CDH4: variants seen among roughly 807,000 people sequenced by gnomAD.
CDH4 encodes cadherin 4.
CDH4 carries 33 observed loss-of-function variants against 86.0 expected under a neutral mutation model. The ratio of observed to expected loss-of-function variants is 0.38; its 90% CI spans 0.29 to 0.51. CDH4 has a LOEUF of 0.51. Ranked by LOEUF, CDH4 falls within the 20% of genes least tolerant of loss-of-function variation. CDH4 has a pLI of 0.86. For synonymous variants in CDH4, 555 were observed against 549.4 expected (o/e 1.01, Z -0.14); for missense variants, 1,114 against 1,307.4 (o/e 0.85, Z 2.28).
intron 2 of CDH4, among the ~76,000 whole-genome samples, chr20:61,257,277 A>C (rs1335723632): frequency 6.6e-6 from 1 of 152,148 alleles, no homozygotes; most frequent in African/African-American, 2.4e-5. Context: ...TTCCAGCAGG[A>C]GCGATTTGTT....
At chr20:61,887,772 C>T (rs538917759) in intron 7 of CDH4, among the ~76,000 whole-genome samples, 4 of 152,320 alleles carry the variant, frequency 2.6e-5, no homozygotes, top group Middle Eastern at 3.4e-3. Flanking sequence ...CCCTTTCCTG[C>T]CGGCCCGTGT....
At chr20:61,476,606 G>A (rs566313692) in intron 2 of CDH4, among the ~76,000 whole-genome samples, 4 of 152,286 alleles carry the variant, frequency 2.6e-5, no homozygotes, top group East Asian at 1.9e-4. Context: ...AGCATCAGCC[G>A]CCACACCTGG....
chr20:61,935,063 G>C (rs919076822), intron 15 of CDH4, among the ~76,000 whole-genome samples: 2 of 152,182 alleles, frequency 1.3e-5, no homozygotes, highest in African/African-American at 2.4e-5. Flanking sequence ...AGCGTCCTCC[G>C]GGCAGTGACT....
intron 2 of CDH4, among the ~76,000 whole-genome samples, chr20:61,504,598 C>T (rs780149772): frequency 2.6e-5 from 4 of 152,198 alleles, no homozygotes; most frequent in Non-Finnish European, 2.9e-5. Flanking sequence ...GGCGCAGACA[C>T]GTGTGGTGGC....
chr20:61,793,662 A>G (rs1429616641), intron 4 of CDH4, among the ~76,000 whole-genome samples: 2 of 151,736 alleles, frequency 1.3e-5, no homozygotes, highest in African/African-American at 4.8e-5. Context: ...CAAGATGGTG[A>G]AACCCCATCT....
At chr20:61,327,658 A>ATTTTGGATGGTCCT in intron 2 of CDH4, among the ~76,000 whole-genome samples, 1 of 152,286 alleles carries the variant, frequency 6.6e-6, no homozygotes, top group South Asian at 2.1e-4. Context: ...CAAATTGCAC[A>ATTTTGGATGGTCCT]TTTTGGATGG....
rs539406184 is a variant in CDH4, at chr20:61,807,277, G to A, written c.576+34095G>A. On this transcript the variant is annotated intron_variant, in intron 4 of 15. Transcript: ENST00000614565. This position sits in a 1 kb window ranked among gnomAD's most constrained non-coding sequence, Gnocchi z 4.5. ...GACTGGGTGTTGTCCAGTCCATGGAGCTGTATTCAGAACCACCAGGGCCAG... is the reference window on the plus strand; with the variant it reads ...GACTGGGTGTTGTCCAGTCCATGGAACTGTATTCAGAACCACCAGGGCCAG... Among the ~76,000 whole-genome samples, 1 of 152,318 alleles carries A rather than the reference G, an allele frequency of 6.6e-6. No individual in the cohort carries two copies. Among genetic ancestry groups the A allele is most frequent in the Admixed American group, 6.5e-5 (1 of 15,294 alleles).
chr20:61,664,691 C>G (rs1040470338), intron 2 of CDH4, among the ~76,000 whole-genome samples: 2 of 152,214 alleles, frequency 1.3e-5, no homozygotes, highest in Non-Finnish European at 1.5e-5. Context: ...TTCTCTCAGC[C>G]AAGATTCTTC....
Position 61,521,325 on chromosome 20 carries a change from G to A in CDH4, c.170-222238G>A, listed in dbSNP as rs6121664. On this transcript the variant is annotated intron_variant, in intron 2 of 15. Transcript: ENST00000614565. ...CAGCTAGACAGCAAAACCAGGCACC[G>A]TTTTCCAAAGCTCCATCAAATGCAT... Among the ~76,000 whole-genome samples the A allele has an allele frequency of 3.1e-3, 473 of 152,300 alleles. 3 individuals carry two copies. The highest frequency in any genetic ancestry group is 0.011 in the African/African-American group (445 of 41,562).
In CDH4 at chr20:61,743,749, T is replaced by G. The variant is rs1379337158; in HGVS notation, c.356T>G (p.Leu119Trp). The G allele has an allele frequency of 1.2e-6, 2 of 1,610,044 alleles. No homozygotes were observed. The highest frequency in any genetic ancestry group is 1.7e-6 in the Non-Finnish European group (2 of 1,178,586). The change falls in exon 3 of 16, where the codon TTG becomes TGG. Residue 119 changes from leucine to tryptophan, a missense_variant. By Grantham distance (61) the Leu-to-Trp change is moderately conservative (BLOSUM62 -2). Coordinates refer to ENST00000614565, the MANE Select transcript of CDH4 (RefSeq NM_001794.5). ...TAEKWDAVVR[L>W]LVAQTSSPHS... ...GAGAAATGGGACGCCGTGGTGCGGT[T>G]GCTGGTGGCCCAGACCTCGTCCCCG... is the stretch of plus-strand genomic sequence containing the variant.
rs931761415 is a variant in CDH4 at position 61,709,500 on chromosome 20, C to T, written c.170-34063C>T. 6.6e-6 allele frequency among the ~76,000 whole-genome samples: 1 copy of T among 152,048 alleles called. No individual in the cohort carries two copies. Among genetic ancestry groups the T allele is most frequent in the Non-Finnish European group, 1.5e-5 (1 of 68,018 alleles). ...CATGTTGGCCAGGCTGGTCTCGAACCCCTGGCCTCAAGTCATCCGACTGCC... is the reference window on the plus strand; with the variant it reads ...CATGTTGGCCAGGCTGGTCTCGAACTCCTGGCCTCAAGTCATCCGACTGCC... On this transcript the variant is annotated intron_variant, in intron 2 of 15. Transcript: ENST00000614565. The surrounding 1 kb of genome is among the most constrained non-coding windows in gnomAD (Gnocchi z 4.8).
intron 2 of CDH4, among the ~76,000 whole-genome samples, chr20:61,473,191 CT>C (rs776595731): frequency 3.9e-4 from 59 of 152,270 alleles, no homozygotes; most frequent in Admixed American, 7.2e-4. Context: ...AAAATAACCT[CT>C]TTAGCATAGA....
At chr20:61,473,887 G>C (rs1254935466) in intron 2 of CDH4, among the ~76,000 whole-genome samples, 1 of 151,990 alleles carries the variant, frequency 6.6e-6, no homozygotes, top group Non-Finnish European at 1.5e-5. Context: ...AAGATAGAAG[G>C]GTGATTTTGG....
chr20:61,449,504 G>A (rs577100512), intron 2 of CDH4, among the ~76,000 whole-genome samples: 13 of 152,260 alleles, frequency 8.5e-5, no homozygotes, highest in South Asian at 2.1e-4. Flanking sequence ...GTAATCAGAC[G>A]TATAGTCCAT....
rs1250708830 is a variant in CDH4 at position 61,836,018 on chromosome 20, AGGGCTCTGGGTCTTGACC to A, written c.577-8640_577-8623del. ...GAAGGCCGGCCGGTTGGGTGATCCCAGGGCTCTGGGTCTTGACCGGGCTCTGGCATTGCAAGGAAGGGC... is the reference window on the plus strand; with the variant it reads ...GAAGGCCGGCCGGTTGGGTGATCCCAGGGCTCTGGCATTGCAAGGAAGGGC... On this transcript the variant is annotated intron_variant, in intron 4 of 15. Coordinates refer to ENST00000614565, the MANE Select transcript of CDH4 (RefSeq NM_001794.5). 2.0e-5 allele frequency among the ~76,000 whole-genome samples: 3 copies of A among 152,218 alleles called. No homozygotes were observed. In the East Asian group the frequency reaches 5.8e-4, roughly 29 times the overall value.
intron 2 of CDH4, among the ~76,000 whole-genome samples, chr20:61,716,380 G>GCTGGACCTGTAAAGGGGTGGACCCTTGA (rs1568773376): frequency 2.7e-5 from 4 of 147,784 alleles, no homozygotes; most frequent in African/African-American, 1.1e-4. Context: ...CCTCCTCTTG[G>GCTGGACCTGTAAAGGGGTGGACCCTTGA]CTGGAGCTGT....
At chr20:61,351,164 C>T (rs2084709901) in intron 2 of CDH4, among the ~76,000 whole-genome samples, 1 of 152,166 alleles carries the variant, frequency 6.6e-6, no homozygotes, top group Non-Finnish European at 1.5e-5. Flanking sequence ...ATTTGCAGGG[C>T]TCTGCCTCCC....
At chr20:61,653,183 C>T (rs2087143396) in intron 2 of CDH4, among the ~76,000 whole-genome samples, 1 of 128,786 alleles carries the variant, frequency 7.8e-6, no homozygotes, top group Admixed American at 7.6e-5. Flanking sequence ...CAAAGCACAT[C>T]TTGCACCGCC....
At chr20:61,305,381 T>C (rs1395986546) in intron 2 of CDH4, among the ~76,000 whole-genome samples, 1 of 152,168 alleles carries the variant, frequency 6.6e-6, no homozygotes, top group East Asian at 1.9e-4. Context: ...CCCCTGGAAA[T>C]CCTGCTGAAT....
Sources: gnomAD v4.1 joint callset for allele counts (sites outside exome capture counted in the v4.1 genomes callset) on GRCh38, gnomAD v4.1.1 for gene constraint, Gnocchi (gnomAD v3.1) non-coding constraint, MANE v1.5 for transcripts, NCBI Gene and HGNC (gene_info 2026-07-23, HGNC 2026-07-21) for gene names.